Variants in DST observed in about 807,000 individuals in gnomAD.
The protein encoded by DST is dystonin, also known as bullous pemphigoid antigen.
Under a neutral mutation model 875.2 loss-of-function variants are expected in DST, and 253 were observed. The ratio of observed to expected loss-of-function variants is 0.29; its 90% CI spans 0.26 to 0.32. The LOEUF (loss-of-function observed/expected upper bound fraction) is 0.32, where lower values mean the gene tolerates loss of function less well. Ranked by LOEUF, DST falls within the 10% of genes least tolerant of loss-of-function variation. The pLI, the probability that DST is intolerant of heterozygous loss-of-function variation, is 1.00. For synonymous variants in DST, 3,124 were observed against 3,197.1 expected, an observed-to-expected ratio of 0.98 and a Z score of 0.77; for missense variants, 8,287 against 9,111.6, an observed-to-expected ratio of 0.91 and a Z score of 3.68.
chr6:56,754,869 T>C (rs557386677), intron 4 of DST, among the ~76,000 whole-genome samples: 1 of 152,210 alleles, frequency 6.6e-6, no homozygotes, highest in South Asian at 2.1e-4. Flanking sequence ...CCTGAATAAT[T>C]TCAGTTAGTA....
intron 61 of DST, among the ~76,000 whole-genome samples, chr6:56,550,718 T>C (rs2097307572): frequency 6.6e-6 from 1 of 152,198 alleles, no homozygotes; most frequent in South Asian, 2.1e-4. Flanking sequence ...GAAATCATAA[T>C]GTTTCACAAT....
At chr6:56,719,898 A>G (rs1255328816) in intron 5 of DST, among the ~76,000 whole-genome samples, 1 of 152,200 alleles carries the variant, frequency 6.6e-6, no homozygotes, top group Non-Finnish European at 1.5e-5. Context: ...AAGGTAATAG[A>G]ATATCACAAG....
chr6:56,889,144 C>T lies in DST; in HGVS notation c.417+11277G>A, dbSNP rs116907395. Among the ~76,000 whole-genome samples, 24 of 152,298 alleles carry T rather than the reference C, an allele frequency of 1.6e-4. No individual in the cohort carries two copies. In the East Asian group the frequency reaches 4.2e-3, roughly 27 times the overall value. On this transcript the variant is annotated intron_variant, in intron 3 of 103. Coordinates refer to ENST00000680361, the MANE Select transcript of DST (RefSeq NM_001374736.1). ...ACTCCAAGGCTCAGACCTCAAGTGT[C>T]TTCTCTTCTCTATCAAATTCATTTT...
At chr6:56,471,355 C>G (rs1261420454) in intron 94 of DST, 87 bp from the exon 95 acceptor site, 3 of 967,484 alleles carry the variant, frequency 3.1e-6, no homozygotes, top group African/African-American at 3.4e-5. Context: ...AAATGATTCT[C>G]TAGGTAGTAC....
chr6:56,787,673 G>C (rs1045469383), intron 4 of DST, among the ~76,000 whole-genome samples: 1 of 152,164 alleles, frequency 6.6e-6, no homozygotes, highest in Non-Finnish European at 1.5e-5. Flanking sequence ...TTATGTTTGA[G>C]TGATTAATAA....
intron 10 of DST, among the ~76,000 whole-genome samples, chr6:56,653,945 T>C (rs2098990137): frequency 6.6e-6 from 1 of 152,220 alleles, no homozygotes; most frequent in Non-Finnish European, 1.5e-5. Context: ...CTTACTTTCA[T>C]TCTAAAGGTT....
chr6:56,528,817 GA>G, intron 67 of DST, 23 bp downstream of exon 67: 1 of 1,409,828 alleles, frequency 7.1e-7, no homozygotes, highest in Non-Finnish European at 9.8e-7. Context: ...ACCACATGAT[GA>G]TTTGATTTGA....
intron 36 of DST, among the ~76,000 whole-genome samples, chr6:56,620,879 A>G (rs1259765546): frequency 6.6e-6 from 1 of 152,206 alleles, no homozygotes; most frequent in African/African-American, 2.4e-5. Context: ...AGGAAGCCTC[A>G]GAAAGTCAGC....
At chr6:56,712,090 C>CAAAAAAAAAAAAAAAAAAAAAAAAAA (rs34769867) in intron 5 of DST, among the ~76,000 whole-genome samples, 4 of 76,554 alleles carry the variant, frequency 5.2e-5, no homozygotes, top group Non-Finnish European at 9.5e-5. Flanking sequence ...GACTCCGTCT[C>CAAAAAAAAAAAAAAAAAAAAAAAAAA]AAAAAAAAAA....
chr6:56,704,311 G>T lies in DST; in HGVS notation c.746C>A (p.Ser249Tyr). Residue 249 changes from serine to tyrosine, a missense_variant, in exon 6 of 104, where the codon TCT becomes TAT. By Grantham distance (144) the Ser-to-Tyr change is moderately radical. This residue lies in a region of DST where 1,160 missense variants were observed against 1,424.3 expected (regional missense o/e 0.81). Transcript: ENST00000680361. ...ATCTCCTGAAAGAACCTCTAAAAGAGAAATCAAATTGTGTCCATCCCTTAA... is the reference window on the plus strand; with the variant it reads ...ATCTCCTGAAAGAACCTCTAAAAGATAAATCAAATTGTGTCCATCCCTTAA... ...EDLRDGHNLI[S>Y]LLEVLSGDTL... 6.4e-7 allele frequency: 1 copy of T among 1,571,224 alleles called. No homozygotes were observed. The highest frequency in any genetic ancestry group is 1.2e-5 in the South Asian group (1 of 84,254).
At chr6:56,493,615 G>C (rs556412573) in intron 83 of DST, among the ~76,000 whole-genome samples, 4 of 151,920 alleles carry the variant, frequency 2.6e-5, no homozygotes, top group South Asian at 4.2e-4. Flanking sequence ...TTAAATGTAA[G>C]TACTTAAAAG....
At chr6:56,485,025 C>A (rs1332372031) in intron 88 of DST, 4 of 311,076 alleles carry the variant, frequency 1.3e-5, no homozygotes, top group Non-Finnish European at 2.4e-5. Flanking sequence ...TTCTTGAAAT[C>A]TGTTTTAAAG....
rs2098475043 is a variant in DST, at chr6:56,604,369, A to T, written c.10259T>A (p.Met3420Lys). 6.2e-7 allele frequency: 1 copy of T among 1,612,116 alleles called. No individual in the cohort carries two copies. Among genetic ancestry groups the T allele is most frequent in the Non-Finnish European group, 8.5e-7 (1 of 1,178,974 alleles). Residue 3420 changes from methionine to lysine, a missense_variant, in exon 40 of 104, where the codon ATG (methionine) becomes AAG (lysine). Met to Lys is a moderately conservative substitution (Grantham distance 95). Coordinates refer to ENST00000680361, the MANE Select transcript of DST (RefSeq NM_001374736.1). Reference protein sequence around the residue: ...QMSDSSGVSPMTNSSELKPES... With the variant: ...QMSDSSGVSPKTNSSELKPES... ...TGGCTTTAGTTCTGATGAGTTAGTC[A>T]TGGGGGAAACTCCAGAAGAGTCACT...
chr6:56,850,101 T>C (rs1028315198), intron 4 of DST, among the ~76,000 whole-genome samples: 7 of 152,194 alleles, frequency 4.6e-5, no homozygotes, highest in African/African-American at 1.7e-4. Context: ...AGTCTACCCC[T>C]GCTCACTCTC....
At position 56,601,553 on chromosome 6, in the gene DST, G is replaced by A; in HGVS notation, c.11431C>T (p.Leu3811Phe). The A allele has an allele frequency of 6.2e-7, 1 of 1,604,702 alleles. No homozygotes were observed. Residue 3811 changes from leucine to phenylalanine, a missense_variant, in exon 44 of 104, where the codon CTC becomes TTC. Around this residue, in one of 10 missense-constraint regions of DST, gnomAD observed 3,138 missense variants for 3,116.6 expected, o/e 1.01. Coordinates refer to ENST00000680361, the MANE Select transcript of DST (RefSeq NM_001374736.1). Reference sequence around the variant, plus strand: ...AAACACTTCTGAGTTGTATTTAAGAGCCTCAGCAGTTGTTTGCTTTGGTTG... The same window carrying A: ...AAACACTTCTGAGTTGTATTTAAGAACCTCAGCAGTTGTTTGCTTTGGTTG... ...SPNQSKQLLR[L>F]LNTTQKCFLD...
At chr6:56,600,398 A>G (rs774847981) in intron 44 of DST, among the ~76,000 whole-genome samples, 177 bp from the exon 45 acceptor site, 27 of 152,110 alleles carry the variant, frequency 1.8e-4, no homozygotes, top group Non-Finnish European at 3.5e-4. Context: ...AAATATGAGC[A>G]TATCCCATAT....
chr6:56,761,677 CATCTT>C (rs1276250324), intron 4 of DST, among the ~76,000 whole-genome samples: 3 of 151,760 alleles, frequency 2.0e-5, no homozygotes, highest in Non-Finnish European at 4.4e-5. Flanking sequence ...TGGGTCCTAG[CATCTT>C]AACCCCAGGT....
At chr6:56,862,453 G>T (rs2127594188) in intron 3 of DST, among the ~76,000 whole-genome samples, 1 of 152,220 alleles carries the variant, frequency 6.6e-6, no homozygotes, top group Middle Eastern at 3.4e-3. Context: ...TGCCTTGAGA[G>T]CATCAAGTGG....
chr6:56,578,792 A>G, intron 50 of DST, 22 bp downstream of exon 50: 1 of 1,610,382 alleles, frequency 6.2e-7, no homozygotes, highest in Non-Finnish European at 8.5e-7. Context: ...TGAGACAGGA[A>G]GCAAGGACAT....
Sources: allele counts gnomAD v4.1 joint callset (sites outside exome capture counted in the v4.1 genomes callset), GRCh38; gene constraint gnomAD v4.1.1; regional missense constraint gnomAD v4.1.1; transcripts MANE v1.5; gene names NCBI Gene and HGNC (gene_info 2026-07-23, HGNC 2026-07-21).